The following KCTD10 variants were observed in gnomAD, a reference collection of about 807,000 sequenced individuals.
The protein encoded by KCTD10 is potassium channel tetramerization domain containing 10, also known as BTB/POZ domain-containing adapter for CUL3-mediated RhoA degradation protein 3.
Under a neutral mutation model 34.6 loss-of-function variants are expected in KCTD10, and 13 were observed. The ratio of observed to expected loss-of-function variants is 0.38; its 90% CI spans 0.24 to 0.60. KCTD10 has a LOEUF of 0.60. KCTD10 is among the 20% of genes least tolerant of loss of function. KCTD10 has a pLI of 0.66. For synonymous variants in KCTD10, 156 were observed against 168.8 expected, an observed-to-expected ratio of 0.92 and a Z score of 0.59; for missense variants, 256 against 420.3, an observed-to-expected ratio of 0.61 and a Z score of 3.42.
In KCTD10 at chr12:109,460,550, G is replaced by T; in HGVS notation, c.387+86C>A. The T allele has an allele frequency of 7.4e-7, 1 of 1,359,740 alleles. No individual in the cohort carries two copies. Among genetic ancestry groups the T allele is most frequent in the Non-Finnish European group, 1.0e-6 (1 of 978,064 alleles). 84.2% of individuals were successfully genotyped at this position (1,359,740 alleles called of 1,614,324 possible). Reference sequence around the variant, plus strand: ...ACAACATCTCAGTCAGACAGAAACTGCCCCCATTTTGCAGAGAGGGAAAAT... The same window carrying T: ...ACAACATCTCAGTCAGACAGAAACTTCCCCCATTTTGCAGAGAGGGAAAAT... On this transcript the variant is annotated intron_variant, in intron 3 of 6. Transcript: ENST00000228495. This position sits in a 1 kb window ranked among gnomAD's most constrained non-coding sequence, Gnocchi z 4.5.
intron 5 of KCTD10, 78 bp from the exon 6 acceptor site, chr12:109,456,391 GC>G: frequency 8.2e-7 from 1 of 1,226,954 alleles, no homozygotes; most frequent in Non-Finnish European, 1.2e-6. Flanking sequence ...TACACGCAGG[GC>G]CCTACTGAGC....
chr12:109,450,531 CTG>C lies in KCTD10; in HGVS notation c.*1062_*1063del, dbSNP rs1872720183. The stretch of plus-strand genomic sequence containing the variant: ...AAATCAGAGGCAAAGACAAGGGGGT[CTG>C]TGTTTATAGCAGGGAAGCTCCCTGG... On this transcript the variant is annotated 3_prime_UTR_variant, in exon 7 of 7. Transcript: ENST00000228495. 2.5e-6 allele frequency: 1 copy of C among 396,770 alleles called. No individual in the cohort carries two copies. The highest frequency in any genetic ancestry group is 4.4e-6 in the Non-Finnish European group (1 of 225,498). 24.6% of individuals were successfully genotyped at this position (396,770 alleles called of 1,614,324 possible).
chr12:109,468,477 G>C (rs1873701100), intron 2 of KCTD10, among the ~76,000 whole-genome samples: 1 of 152,122 alleles, frequency 6.6e-6, no homozygotes, highest in South Asian at 2.1e-4. Flanking sequence ...CTGTGCCCTG[G>C]CCTGGTCTTA....
intron 2 of KCTD10, among the ~76,000 whole-genome samples, chr12:109,461,947 G>A (rs1193589565): frequency 6.6e-6 from 1 of 152,084 alleles, no homozygotes; most frequent in Non-Finnish European, 1.5e-5. Context: ...TTGGGAGAAG[G>A]GCCAACATTT....
chr12:109,466,344 T>TGG, intron 2 of KCTD10, among the ~76,000 whole-genome samples: 1 of 152,326 alleles, frequency 6.6e-6, no homozygotes, highest in Middle Eastern at 3.4e-3. Context: ...TCAGGCCCTG[T>TGG]GGCAAGCGCT....
Position 109,450,294 on chromosome 12 carries a change from G to C in KCTD10, c.*1301C>G. ...TTGCAGGTGCAGAGGAGCCTGGGAG[G>C]TAGGTCACTGAGAACACCCGTCCTA... On this transcript the variant is annotated 3_prime_UTR_variant, in exon 7 of 7. Transcript: ENST00000228495. 1 of 398,690 alleles carries C rather than the reference G, an allele frequency of 2.5e-6. No individual in the cohort carries two copies. The highest frequency in any genetic ancestry group is 1.3e-4 in the South Asian group (1 of 7,854). 24.7% of individuals were successfully genotyped at this position (398,690 alleles called of 1,614,324 possible). A position where few individuals can be genotyped will look rare whatever the true frequency, so the allele number is the denominator to read the frequency against.
chr12:109,457,826 T>C (rs1375678152), intron 4 of KCTD10, 144 bp from the exon 5 acceptor site: 1 of 1,039,028 alleles, frequency 9.6e-7, no homozygotes, highest in Non-Finnish European at 1.5e-6. Flanking sequence ...GGGGACCACA[T>C]GACCCAATAG....
chr12:109,476,236 G>A (rs1296831686), intron 1 of KCTD10, among the ~76,000 whole-genome samples: 1 of 152,180 alleles, frequency 6.6e-6, no homozygotes, highest in Admixed American at 6.5e-5. Flanking sequence ...GAGAACCACT[G>A]GTTTATGCTG....
chr12:109,468,790 C>T (rs541610704), intron 2 of KCTD10, among the ~76,000 whole-genome samples: 232 of 151,814 alleles, frequency 1.5e-3, no homozygotes, highest in African/African-American at 5.5e-3. Context: ...GTAGCTGGGA[C>T]TACAGGCACC....
chr12:109,468,684 G>A (rs1473013253), intron 2 of KCTD10, among the ~76,000 whole-genome samples: 15 of 134,228 alleles, frequency 1.1e-4, no homozygotes, highest in South Asian at 4.6e-4. Flanking sequence ...ACGGAGTCTC[G>A]CTCTGTCGCC....
intron 4 of KCTD10, 50 bp from the exon 5 acceptor site, chr12:109,457,732 G>A: frequency 1.3e-6 from 2 of 1,567,866 alleles, no homozygotes; most frequent in Non-Finnish European, 8.8e-7. Context: ...GCAGGCAGAT[G>A]CAATGAACTA....
intron 1 of KCTD10, chr12:109,470,617 G>A (rs764761578): frequency 9.1e-6 from 9 of 984,988 alleles, no homozygotes; most frequent in Non-Finnish European, 1.1e-5. Flanking sequence ...TAGCCCCCAC[G>A]GCTGGCCCTA....
intron 2 of KCTD10, among the ~76,000 whole-genome samples, chr12:109,466,167 G>A (rs1201547848): frequency 1.3e-5 from 2 of 152,246 alleles, no homozygotes; most frequent in East Asian, 3.9e-4. Context: ...GGGGTAGTGT[G>A]GAACTGCAGC....
rs1592846942 is a variant in KCTD10, at chr12:109,469,509, G to A, written c.217+6C>T. ...CCAGAGGCAGGCACATGGTGGGTGA[G>A]CTTACCTTCACTGTCGGTGAGCACT... On this transcript the variant is annotated splice_donor_region_variant and intron_variant, in intron 2 of 6. Transcript: ENST00000228495. 1 of 1,613,564 alleles carries A rather than the reference G, an allele frequency of 6.2e-7. No individual in the cohort carries two copies. Among genetic ancestry groups the A allele is most frequent in the East Asian group, 2.2e-5 (1 of 44,870 alleles).
At chr12:109,457,941 T>A (rs1436185136) in intron 4 of KCTD10, 51 bp downstream of exon 4, 1 of 1,415,942 alleles carries the variant, frequency 7.1e-7, no homozygotes, top group Non-Finnish European at 1.0e-6. Context: ...CAGAAGAACC[T>A]CCATCATTTC....
rs529660008 is a variant in KCTD10, at chr12:109,449,694, C to A, written c.*1901G>T. On this transcript the variant is annotated 3_prime_UTR_variant, in exon 7 of 7. Transcript: ENST00000228495. The stretch of plus-strand genomic sequence containing the variant: ...TAAGTGGAGATGGTGCCACTACACT[C>A]CAGCCTGGCCAATAGAGCAAGACTC... 1.6e-4 allele frequency: 25 copies of A among 152,278 alleles called. No individual in the cohort carries two copies. Among genetic ancestry groups the A allele is most frequent in the African/African-American group, 6.0e-4 (25 of 41,550 alleles). The allele number at this position is 152,278 out of a possible 1,614,324, so 9.4% of individuals were successfully genotyped here. A position where few individuals can be genotyped will look rare whatever the true frequency, so the allele number is the denominator to read the frequency against.
intron 6 of KCTD10, among the ~76,000 whole-genome samples, chr12:109,454,804 A>G (rs111417005): frequency 6.6e-6 from 1 of 152,200 alleles, no homozygotes; most frequent in African/African-American, 2.4e-5. Flanking sequence ...AAACACAAGA[A>G]CATGCCACTC....
At position 109,469,675 on chromosome 12, in the gene KCTD10, G is replaced by C; in HGVS notation, c.57C>G (p.Thr19=). 1 of 1,614,192 alleles carries C rather than the reference G, an allele frequency of 6.2e-7. No homozygotes were observed. The part of the protein sequence containing the change: ...VVSSAVPAAA[T]RTTSFKGTSP... ...TCGTGCCCTTGAAGGAAGTGGTGCG[G>C]GTAGCAGCCGCTGGCACCGCTGAGC... is the stretch of plus-strand genomic sequence containing the variant. The change falls in exon 2 of 7, where the codon ACC becomes ACG. Residue 19 remains threonine, a synonymous_variant. Coordinates refer to ENST00000228495, the MANE Select transcript of KCTD10 (RefSeq NM_031954.5).
rs1873117317 is a variant in KCTD10, at chr12:109,458,042, C to T, written c.424G>A (p.Val142Met). The T allele has an allele frequency of 6.2e-7, 1 of 1,614,060 alleles. No homozygotes were observed. The highest frequency in any genetic ancestry group is 8.5e-7 in the Non-Finnish European group (1 of 1,180,030). ...DTYEPFCKVP[V>M]ITSSKEEQKL... ...TGTTCTTCCTTGGATGAGGTGATCA[C>T]AGGGACCTTGCAGAAAGGCTCATAA... The change falls in exon 4 of 7, where the codon GTG (valine) becomes ATG (methionine). Residue 142 changes from valine (V) to methionine (M), a missense_variant. This residue lies in a region of KCTD10 where 155 missense variants were observed against 207.0 expected (regional missense o/e 0.75). Coordinates refer to ENST00000228495, the MANE Select transcript of KCTD10 (RefSeq NM_031954.5).
Sources: gnomAD v4.1 joint callset for allele counts (sites outside exome capture counted in the v4.1 genomes callset) on GRCh38, gnomAD v4.1.1 for gene constraint, gnomAD v4.1.1 regional missense constraint, Gnocchi (gnomAD v3.1) non-coding constraint, MANE v1.5 for transcripts, NCBI Gene and HGNC (gene_info 2026-07-23, HGNC 2026-07-21) for gene names.